The following SLC4A5 variants were observed in gnomAD, a reference collection of about 807,000 sequenced individuals.
The protein encoded by SLC4A5 is solute carrier family 4 member 5.
Under a neutral mutation model 120.4 loss-of-function variants are expected in SLC4A5, and 96 were observed. The observed-to-expected ratio is 0.80, with a 90% CI of 0.68 to 0.94. SLC4A5 has a LOEUF of 0.94. Among genes scored for constraint, SLC4A5 ranks in the 40% least tolerant of loss-of-function variants. The probability of loss-of-function intolerance (pLI) is 0.00; values close to 1 mark genes in which losing one functional copy is unlikely to be tolerated. For synonymous variants in SLC4A5, 550 were observed against 571.1 expected (o/e 0.96, Z 0.53); for missense variants, 1,259 against 1,459.5 (o/e 0.86, Z 2.24).
chr2:74,278,578 C>G (rs1439077938), intron 8 of SLC4A5, among the ~76,000 whole-genome samples: 1 of 152,150 alleles, frequency 6.6e-6, no homozygotes, highest in Non-Finnish European at 1.5e-5. Context: ...AACCCAGGGC[C>G]TCTGAGACTT....
At chr2:74,335,498 A>T (rs1673458830) in intron 3 of SLC4A5, among the ~76,000 whole-genome samples, 1 of 152,194 alleles carries the variant, frequency 6.6e-6, no homozygotes, top group African/African-American at 2.4e-5. Context: ...TGATCACCTC[A>T]GCCAACCTGA....
chr2:74,335,673 G>A (rs961547371), intron 3 of SLC4A5, among the ~76,000 whole-genome samples: 1 of 152,120 alleles, frequency 6.6e-6, no homozygotes, highest in Admixed American at 6.5e-5. Context: ...TAAGAACCTG[G>A]AGACACCAGC....
At chr2:74,330,257 A>G (rs542038471) in intron 4 of SLC4A5, among the ~76,000 whole-genome samples, 25 of 151,098 alleles carry the variant, frequency 1.7e-4, no homozygotes, top group African/African-American at 6.1e-4. Flanking sequence ...TGATGTCTAG[A>G]TGGAGGTGAT....
intron 12 of SLC4A5, among the ~76,000 whole-genome samples, chr2:74,257,249 A>C (rs940761341): frequency 4.7e-5 from 7 of 150,164 alleles, no homozygotes; most frequent in African/African-American, 1.7e-4. Flanking sequence ...CAATCAGACA[A>C]AAAAAAAATA....
At chr2:74,331,652 G>C (rs1478121597) in intron 4 of SLC4A5, among the ~76,000 whole-genome samples, 2 of 151,906 alleles carry the variant, frequency 1.3e-5, no homozygotes, top group Admixed American at 6.6e-5. Context: ...AGTGTTCTTG[G>C]AGCAGAGTTT....
intron 7 of SLC4A5, among the ~76,000 whole-genome samples, chr2:74,291,351 AT>A: frequency 6.6e-6 from 1 of 152,348 alleles, no homozygotes; most frequent in East Asian, 1.9e-4. Flanking sequence ...GCCAAGGTTG[AT>A]TGGAGGTCAC....
At chr2:74,308,539 T>A (rs1230256836) in intron 6 of SLC4A5, among the ~76,000 whole-genome samples, 3 of 152,254 alleles carry the variant, frequency 2.0e-5, no homozygotes, top group African/African-American at 7.2e-5. Flanking sequence ...AGGTGTTTGC[T>A]CATATCTTTT....
rs772759125 is a variant in SLC4A5, at chr2:74,264,306, GGA to G, written c.563-9_563-8del. On this transcript the variant is annotated splice_polypyrimidine_tract_variant and splice_region_variant and intron_variant, in intron 9 of 30. Transcript: ENST00000394019. ...TGCTTCTCAATGACATCATCTGTGT[GGA>G]AAACATACACACCTCATCCCTGTGG... is the stretch of plus-strand genomic sequence containing the variant. 3.0e-4 allele frequency: 478 copies of G among 1,612,644 alleles called. No individual in the cohort carries two copies. The highest frequency in any genetic ancestry group is 5.7e-4 in the Admixed American group (34 of 59,882).
intron 6 of SLC4A5, among the ~76,000 whole-genome samples, chr2:74,313,559 T>A (rs1330618105): frequency 6.6e-6 from 1 of 152,206 alleles, no homozygotes; most frequent in African/African-American, 2.4e-5. Context: ...TCCCATTCTC[T>A]CCTGGATGTA....
intron 20 of SLC4A5, among the ~76,000 whole-genome samples, chr2:74,240,029 AC>A (rs1670388631): frequency 6.8e-6 from 1 of 147,840 alleles, no homozygotes. Flanking sequence ...ATTTATATAT[AC>A]ATATATAAAT....
chr2:74,262,357 GA>G, intron 10 of SLC4A5, 125 bp from the exon 11 acceptor site: 1 of 403,860 alleles, frequency 2.5e-6, no homozygotes, highest in Non-Finnish European at 4.4e-6. Context: ...CTTCTGGGAA[GA>G]AATTCTTTTT....
At chr2:74,335,890 A>C (rs1424995497) in intron 3 of SLC4A5, among the ~76,000 whole-genome samples, 3 of 152,194 alleles carry the variant, frequency 2.0e-5, no homozygotes, top group Non-Finnish European at 2.9e-5. Flanking sequence ...TCAGACATTT[A>C]TATATATTTT....
intron 27 of SLC4A5, among the ~76,000 whole-genome samples, chr2:74,225,322 G>A (rs1203614082): frequency 2.6e-5 from 4 of 152,092 alleles, no homozygotes; most frequent in Non-Finnish European, 4.4e-5. Context: ...TCAGCCAGGC[G>A]TGGTGGCTCA....
intron 6 of SLC4A5, among the ~76,000 whole-genome samples, chr2:74,306,003 C>A (rs1008513780): frequency 6.6e-6 from 1 of 152,148 alleles, no homozygotes; most frequent in East Asian, 1.9e-4. Flanking sequence ...GTATTATAGG[C>A]GTGAGCCACC....
intron 8 of SLC4A5, among the ~76,000 whole-genome samples, chr2:74,270,890 A>T (rs1409217351): frequency 6.6e-6 from 1 of 152,192 alleles, no homozygotes; most frequent in Non-Finnish European, 1.5e-5. Context: ...TTCTCATTAT[A>T]CAGCAGGACA....
chr2:74,297,165 A>G (rs1229466893), intron 7 of SLC4A5, among the ~76,000 whole-genome samples: 4 of 151,696 alleles, frequency 2.6e-5, no homozygotes, highest in Non-Finnish European at 4.4e-5. Context: ...GGGCAGCCAA[A>G]TCAAACAAAT....
chr2:74,224,037 A>T (rs1461019177), intron 28 of SLC4A5, among the ~76,000 whole-genome samples: 8 of 152,238 alleles, frequency 5.3e-5, no homozygotes. Context: ...ATCAGAAACC[A>T]GCAAAGTCAG....
At chr2:74,330,352 G>A (rs1673324737) in intron 4 of SLC4A5, among the ~76,000 whole-genome samples, 1 of 149,572 alleles carries the variant, frequency 6.7e-6, no homozygotes, top group African/African-American at 2.5e-5. Flanking sequence ...GTGAGGTCTA[G>A]ATGGAGATGT....
intron 7 of SLC4A5, among the ~76,000 whole-genome samples, chr2:74,301,678 C>T (rs917666564): frequency 7.9e-5 from 12 of 152,208 alleles, no homozygotes; most frequent in Non-Finnish European, 4.4e-5. Context: ...TGGCACTATC[C>T]CTGAGATGTG....
Sources: gnomAD v4.1 joint callset for allele counts (sites outside exome capture counted in the v4.1 genomes callset) on GRCh38, gnomAD v4.1.1 for gene constraint, MANE v1.5 for transcripts, NCBI Gene and HGNC (gene_info 2026-07-23, HGNC 2026-07-21) for gene names.